AGXT2: variants seen among roughly 807,000 people sequenced by gnomAD.
AGXT2 encodes alanine--glyoxylate aminotransferase 2, also known as alanine--glyoxylate aminotransferase 2, mitochondrial.
A neutral mutation model predicts 62.5 loss-of-function variants in AGXT2; 61 were observed. The observed-to-expected ratio is 0.98, with a 90% CI of 0.79 to 1.21. The LOEUF is 1.21. AGXT2 is among the 50% of genes most tolerant of loss of function. The pLI, the probability that AGXT2 is intolerant of heterozygous loss-of-function variation, is 0.00. For missense variants in AGXT2, 666 were observed against 641.5 expected (o/e 1.04, Z -0.41); for synonymous variants, 243 against 218.7 (o/e 1.11, Z -0.98).
intron 12 of AGXT2, among the ~76,000 whole-genome samples, chr5:35,005,349 C>G (rs1180688133): frequency 1.3e-5 from 2 of 152,218 alleles, no homozygotes; most frequent in Non-Finnish European, 2.9e-5. Context: ...CTGCCTCAGC[C>G]TCCCCACTAG....
chr5:35,025,592 G>A (rs1767304292), intron 9 of AGXT2, among the ~76,000 whole-genome samples, 171 bp downstream of exon 9: 1 of 152,194 alleles, frequency 6.6e-6, no homozygotes. Flanking sequence ...ATCAGCGAAT[G>A]TACTAACAAA....
chr5:35,014,705 T>C (rs1156666696), intron 9 of AGXT2, among the ~76,000 whole-genome samples: 2 of 152,134 alleles, frequency 1.3e-5, no homozygotes, highest in African/African-American at 4.8e-5. Context: ...TACAACAATA[T>C]GTCACAGGCT....
At chr5:35,034,195 CATT>C (rs1767683301) in intron 5 of AGXT2, among the ~76,000 whole-genome samples, 1 of 151,878 alleles carries the variant, frequency 6.6e-6, no homozygotes, top group African/African-American at 2.4e-5. Context: ...TGGTTTTTGC[CATT>C]ACTTTTAATG....
At chr5:35,040,417 G>A (rs556732538) in intron 2 of AGXT2, among the ~76,000 whole-genome samples, 158 bp downstream of exon 2, 1 of 152,256 alleles carries the variant, frequency 6.6e-6, no homozygotes, top group Admixed American at 6.5e-5. Flanking sequence ...GGATTAAGAG[G>A]GTTTCAGATG....
chr5:35,041,223 CAAAAA>C (rs3034208), intron 1 of AGXT2, among the ~76,000 whole-genome samples: 3 of 51,402 alleles, frequency 5.8e-5, no homozygotes, highest in Admixed American at 5.2e-4. Flanking sequence ...CTCCCCCCGC[CAAAAA>C]AAAAAAAAAA....
chr5:35,020,461 A>G (rs1479627402), intron 9 of AGXT2, among the ~76,000 whole-genome samples: 3 of 152,362 alleles, frequency 2.0e-5, no homozygotes, highest in East Asian at 1.9e-4. Flanking sequence ...AAGCAGAACC[A>G]AAGACAAAAA....
chr5:35,043,237 G>T (rs931719729), intron 1 of AGXT2, among the ~76,000 whole-genome samples: 2 of 152,064 alleles, frequency 1.3e-5, no homozygotes, highest in Non-Finnish European at 2.9e-5. Context: ...ATGATAACGA[G>T]TTTTTCAGTA....
chr5:35,006,310 A>G lies in AGXT2; in HGVS notation c.1339-2449T>C, dbSNP rs186819914. 1.7e-3 allele frequency among the ~76,000 whole-genome samples: 266 copies of G among 152,328 alleles called. 2 individuals are homozygous for G. The highest frequency in any genetic ancestry group is 6.0e-3 in the African/African-American group (249 of 41,570). ...TAGAAATTGCCAGGTATGTTAGGCC[A>G]TTCTTGTGTTGCTGCAAAGGAATAC... On this transcript the variant is annotated intron_variant, in intron 12 of 13. Coordinates refer to ENST00000231420, the MANE Select transcript of AGXT2 (RefSeq NM_031900.4).
At chr5:35,007,524 A>AG (rs1384683873) in intron 12 of AGXT2, among the ~76,000 whole-genome samples, 1 of 152,140 alleles carries the variant, frequency 6.6e-6, no homozygotes, top group Non-Finnish European at 1.5e-5. Flanking sequence ...GTAGATATAG[A>AG]GGGGAGAATA....
At chr5:35,034,775 A>G (rs2112270274) in intron 5 of AGXT2, among the ~76,000 whole-genome samples, 1 of 152,356 alleles carries the variant, frequency 6.6e-6, no homozygotes. Flanking sequence ...AAGGTAAAAA[A>G]TGGGTGCAGC....
Position 35,012,531 on chromosome 5 carries a change from G to T in AGXT2, c.1188+423C>A, listed in dbSNP as rs1766684291. 6 of 235,700 alleles carry T rather than the reference G, an allele frequency of 2.5e-5. No individual in the cohort carries two copies. In the South Asian group the frequency reaches 3.2e-4, roughly 12 times the overall value. 14.6% of individuals were successfully genotyped at this position (235,700 alleles called of 1,614,324 possible). ...TAGGGGTGAACAGCTGAATTACCTT[G>T]CTGTAAGCACGTAGAACTCAGTGTC... is the stretch of plus-strand genomic sequence containing the variant. On this transcript the variant is annotated intron_variant, in intron 11 of 13. Transcript: ENST00000231420.
At chr5:35,026,720 A>G (rs557163821) in intron 7 of AGXT2, among the ~76,000 whole-genome samples, 1 of 152,222 alleles carries the variant, frequency 6.6e-6, no homozygotes, top group Admixed American at 6.5e-5. Context: ...TGGTTCAAGG[A>G]GGGAGATTAA....
At chr5:35,003,209 C>CT (rs1485102666) in intron 13 of AGXT2, among the ~76,000 whole-genome samples, 2 of 152,260 alleles carry the variant, frequency 1.3e-5, no homozygotes, top group South Asian at 4.1e-4. Flanking sequence ...GACACTGGCT[C>CT]TGGCTGATTT....
intron 1 of AGXT2, among the ~76,000 whole-genome samples, chr5:35,041,393 A>T (rs1391943575): frequency 2.0e-5 from 3 of 151,974 alleles, no homozygotes; most frequent in South Asian, 2.1e-4. Flanking sequence ...TGGTAAATTA[A>T]TCTGTTTAAG....
At chr5:35,000,244 T>TCCCCA (rs1320654151) in intron 13 of AGXT2, among the ~76,000 whole-genome samples, 1 of 29,960 alleles carries the variant, frequency 3.3e-5, no homozygotes, top group East Asian at 4.9e-4. Flanking sequence ...TCTTTGGAAT[T>TCCCCA]CCCCCACTTC....
chr5:35,036,234 G>A (rs1440405249), intron 4 of AGXT2, among the ~76,000 whole-genome samples: 3 of 152,138 alleles, frequency 2.0e-5, no homozygotes, highest in African/African-American at 7.2e-5. Flanking sequence ...GTGAACATCT[G>A]GGGCTGAACT....
chr5:35,003,948 T>C, intron 12 of AGXT2, 87 bp from the exon 13 acceptor site: 1 of 1,270,318 alleles, frequency 7.9e-7, no homozygotes, highest in Non-Finnish European at 1.1e-6. Flanking sequence ...GAAAAACCCT[T>C]CAGCCATCAA....
chr5:35,010,044 G>A lies in AGXT2; in HGVS notation c.1294C>T (p.Arg432Ter), dbSNP rs866461623. ...ATGCCTATCATGAGACCTTTGCCTCGGACGTCTCCAACAATTTCAAATTCA... is the reference window on the plus strand; with the variant it reads ...ATGCCTATCATGAGACCTTTGCCTCAGACGTCTCCAACAATTTCAAATTCA... Reference protein sequence around the residue: ...RDEFEIVGDVRGKGLMIGIEM... With the variant: ...RDEFEIVGDV Residue 432 changes from arginine to a stop codon, truncating the protein, a stop_gained, in exon 12 of 14, where the codon CGA becomes TGA. Transcript: ENST00000231420. LOFTEE classifies it high-confidence loss of function. 3.7e-6 allele frequency: 6 copies of A among 1,613,998 alleles called. No individual in the cohort carries two copies. The highest frequency in any genetic ancestry group is 1.1e-5 in the South Asian group (1 of 91,086).
Position 35,047,937 on chromosome 5 carries a change from C to T in AGXT2, c.-45G>A, listed in dbSNP as rs187358613. The T allele has an allele frequency of 6.2e-7, 1 of 1,612,506 alleles. No homozygotes were observed. Among genetic ancestry groups the T allele is most frequent in the South Asian group, 1.1e-5 (1 of 90,886 alleles). Reference sequence around the variant, plus strand: ...AACCCCCATGGAAGCAGATTGGAGGCCGGGCTCTAACTGCTCACTATCCTG... The same window carrying T: ...AACCCCCATGGAAGCAGATTGGAGGTCGGGCTCTAACTGCTCACTATCCTG... On this transcript the variant is annotated 5_prime_UTR_variant, in exon 1 of 14. Transcript: ENST00000231420.
Sources: gnomAD v4.1 joint callset for allele counts (sites outside exome capture counted in the v4.1 genomes callset) on GRCh38, gnomAD v4.1.1 for gene constraint, MANE v1.5 for transcripts, NCBI Gene and HGNC (gene_info 2026-07-23, HGNC 2026-07-21) for gene names.